Variants in NDUFB10 observed in about 807,000 individuals in gnomAD.
NDUFB10 encodes NADH:ubiquinone oxidoreductase subunit B10, also known as NADH dehydrogenase [ubiquinone] 1 beta subcomplex subunit 10.
A neutral mutation model predicts 19.0 loss-of-function variants in NDUFB10; 23 were observed. The ratio of observed to expected loss-of-function variants is 1.21; its 90% CI spans 0.87 to 1.71. NDUFB10 has a LOEUF of 1.71. Ranked by LOEUF, NDUFB10 falls within the 40% of genes most tolerant of loss-of-function variation. The pLI, the probability that NDUFB10 is intolerant of heterozygous loss-of-function variation, is 0.00. For synonymous variants in NDUFB10, 104 were observed against 81.8 expected (o/e 1.27, Z -1.46); for missense variants, 312 against 230.6 (o/e 1.35, Z -2.29).
chr16:1,960,137 G>A (rs397435), intron 1 of NDUFB10, among the ~76,000 whole-genome samples: 128,584 of 152,028 alleles, frequency 0.85, 54,680 homozygotes, highest in African/African-American at 0.92. Flanking sequence ...TCTCTCTGCC[G>A]GATGACCAAG....
At position 1,961,619 on chromosome 16, in the gene NDUFB10, A is replaced by T; in HGVS notation, c.392A>T (p.Lys131Met). The T allele has an allele frequency of 1.9e-6, 3 of 1,613,270 alleles. No homozygotes were observed. The highest frequency in any genetic ancestry group is 2.5e-6 in the Non-Finnish European group (3 of 1,179,930). The change falls in exon 3 of 4, where the codon AAG (lysine) becomes ATG (methionine). Residue 131 changes from lysine (K) to methionine (M), a missense_variant. Transcript: ENST00000268668. ...KEVEQFTQVA[K>M]AYQDRYQDLG... ...GTGGAGCAGTTCACCCAGGTGGCCAAGGCCTACCAGGACCGCTGTGCGTGC... is the reference window on the plus strand; with the variant it reads ...GTGGAGCAGTTCACCCAGGTGGCCATGGCCTACCAGGACCGCTGTGCGTGC...
rs373787740 is a variant in NDUFB10, at chr16:1,961,805, C to A, written c.418C>A (p.Leu140Met). 42 of 1,554,642 alleles carry A rather than the reference C, an allele frequency of 2.7e-5. No homozygotes were observed. The Admixed American group carries it at 7.4e-4, about 27-fold the overall frequency. The change falls in exon 4 of 4, where the codon CTG (leucine) becomes ATG (methionine). Residue 140 changes from leucine (L) to methionine (M), a missense_variant. Coordinates refer to ENST00000268668, the MANE Select transcript of NDUFB10 (RefSeq NM_004548.3). ...TTCCATTGCTTCCCCAGATCAGGAC[C>A]TGGGGGCCTACAGTTCTGCCAGGAA... ...AKAYQDRYQDLGAYSSARKCL... is the reference protein window; with the variant it reads ...AKAYQDRYQDMGAYSSARKCL...
chr16:1,961,097 G>A lies in NDUFB10; in HGVS notation c.131-56G>A, dbSNP rs181311621. 26 of 1,594,008 alleles carry A rather than the reference G, an allele frequency of 1.6e-5. No individual in the cohort carries two copies. The Admixed American group carries it at 2.1e-4, about 13-fold the overall frequency. ...CAAAGGGCTTATGAGAAATAAGAAA[G>A]CTAAAAGCCTGTCCAAACCGATGAG... On this transcript the variant is annotated intron_variant, in intron 1 of 3. Coordinates refer to ENST00000268668, the MANE Select transcript of NDUFB10 (RefSeq NM_004548.3).
chr16:1,959,678 G>A lies in NDUFB10; in HGVS notation c.54G>A (p.Pro18=). The A allele has an allele frequency of 6.2e-7, 1 of 1,613,256 alleles. No individual in the cohort carries two copies. Among genetic ancestry groups the A allele is most frequent in the South Asian group, 1.1e-5 (1 of 91,076 alleles). The change falls in exon 1 of 4, where the codon CCG becomes CCA. Residue 18 remains proline, a synonymous_variant. Transcript: ENST00000268668. ...ACCCTGAGCCCCCGCGCCGCACGCC[G>A]GTGCAGCCCAATCCCATCGTCTACA... ...DVYPEPPRRT[P]VQPNPIVYMM...
chr16:1,959,801 C>G (rs4430738), intron 1 of NDUFB10, 47 bp downstream of exon 1: 1 of 1,607,678 alleles, frequency 6.2e-7, no homozygotes, highest in Non-Finnish European at 8.5e-7. Flanking sequence ...CTGGGGACCC[C>G]TGGATCCCAC....
chr16:1,960,283 G>C (rs1199984345), intron 1 of NDUFB10, among the ~76,000 whole-genome samples: 6 of 151,398 alleles, frequency 4.0e-5, no homozygotes, highest in African/African-American at 1.5e-4. Flanking sequence ...GCAGTGGCGC[G>C]ATCTCGGCTC....
chr16:1,961,262 T>A lies in NDUFB10; in HGVS notation c.240T>A (p.Tyr80Ter). The change falls in exon 2 of 4, where the codon TAT becomes TAA. Residue 80 changes from tyrosine (Y) to a stop codon, truncating the protein, a stop_gained. Transcript: ENST00000268668. LOFTEE classifies it high-confidence loss of function. ...AGGAGGAGGACATCATGTGCATGTA[T>A]GAAGCCGAAATGCAGTGGAAGAGGG... ...ECKEEDIMCMYEAEMQWKRDY... is the reference protein window; with the variant it reads ...ECKEEDIMCM The A allele has an allele frequency of 6.2e-7, 1 of 1,614,012 alleles. No homozygotes were observed. The highest frequency in any genetic ancestry group is 8.5e-7 in the Non-Finnish European group (1 of 1,180,018).
rs1390968397 is a variant in NDUFB10 at position 1,961,948 on chromosome 16, T to C, written c.*42T>C. On this transcript the variant is annotated 3_prime_UTR_variant, in exon 4 of 4. Coordinates refer to ENST00000268668, the MANE Select transcript of NDUFB10 (RefSeq NM_004548.3). ...CCTGCTGTGTGGCTCTGTATGACTG[T>C]TGCTGAAATATAAAGCCCTGCAACC... 1.3e-6 allele frequency: 2 copies of C among 1,528,906 alleles called. No individual in the cohort carries two copies. The highest frequency in any genetic ancestry group is 2.8e-5 in the African/African-American group (2 of 72,628). The allele number at this position is 1,528,906 out of a possible 1,614,324, so 94.7% of individuals were successfully genotyped here.
intron 1 of NDUFB10, 36 bp downstream of exon 1, chr16:1,959,790 T>G: frequency 6.2e-7 from 1 of 1,610,500 alleles, no homozygotes; most frequent in South Asian, 1.1e-5. Flanking sequence ...CTCGCCGGCC[T>G]CTGGGGACCC....
rs368803523 is a variant in NDUFB10 at position 1,959,689 on chromosome 16, A to G, written c.65A>G (p.Asn22Ser). The G allele has an allele frequency of 1.4e-5, 22 of 1,612,894 alleles. No homozygotes were observed. In the African/African-American group the frequency reaches 2.4e-4, roughly 18 times the overall value. ...EPPRRTPVQP[N>S]PIVYMMKAFD... ...CCGCGCCGCACGCCGGTGCAGCCCA[A>G]TCCCATCGTCTACATGATGAAAGCG... is the stretch of plus-strand genomic sequence containing the variant. The change falls in exon 1 of 4, where the codon AAT becomes AGT. Residue 22 changes from asparagine (N) to serine (S), a missense_variant. Transcript: ENST00000268668.
intron 1 of NDUFB10, among the ~76,000 whole-genome samples, chr16:1,959,996 G>C (rs1414804286): frequency 6.6e-6 from 1 of 151,316 alleles, no homozygotes; most frequent in African/African-American, 2.4e-5. Context: ...GGGATGCCCC[G>C]CTTCTTCCCA....
At chr16:1,960,947 C>G (rs888551000) in intron 1 of NDUFB10, among the ~76,000 whole-genome samples, 1 of 152,206 alleles carries the variant, frequency 6.6e-6, no homozygotes, top group Non-Finnish European at 1.5e-5. Flanking sequence ...GCCTGGTACT[C>G]GGGAGCTCTC....
Position 1,961,578 on chromosome 16 carries a change from G to C in NDUFB10, c.351G>C (p.Gln117His). The change falls in exon 3 of 4, where the codon CAG becomes CAC. Residue 117 changes from glutamine (Q) to histidine (H), a missense_variant. Physicochemically the swap from Gln to His is conservative, Grantham distance 24. Transcript: ENST00000268668. Reference protein sequence around the residue: ...CQQREGQNYQQNCIKEVEQFT... With the variant: ...CQQREGQNYQHNCIKEVEQFT... ...AGAGGGAAGGACAGAACTACCAGCA[G>C]AACTGTATCAAGGAAGTGGAGCAGT... The C allele has an allele frequency of 1.2e-6, 2 of 1,614,096 alleles. No homozygotes were observed. Among genetic ancestry groups the C allele is most frequent in the Non-Finnish European group, 1.7e-6 (2 of 1,180,028 alleles).
Position 1,961,643 on chromosome 16 carries a change from G to GGGGCCCCCCCCCCCCCC in NDUFB10, c.409+7_409+8insGGGCCCCCCCCCCCCCC. 1.9e-6 allele frequency: 3 copies of GGGGCCCCCCCCCCCCCC among 1,547,198 alleles called. No homozygotes were observed. The highest frequency in any genetic ancestry group is 1.8e-5 in the Admixed American group (1 of 54,356). ...AAGGCCTACCAGGACCGCTGTGCGT[G>GGGGCCCCCCCCCCCCCC]CCCCACCCACCCCCAACCCCCCACC... is the stretch of plus-strand genomic sequence containing the variant. On this transcript the variant is annotated splice_region_variant and intron_variant, in intron 3 of 3. Coordinates refer to ENST00000268668, the MANE Select transcript of NDUFB10 (RefSeq NM_004548.3).
In NDUFB10 at chr16:1,961,832, T is replaced by C. The variant is rs1217937582; in HGVS notation, c.445T>C (p.Cys149Arg). 1 of 1,561,834 alleles carries C rather than the reference T, an allele frequency of 6.4e-7. No homozygotes were observed. Among genetic ancestry groups the C allele is most frequent in the African/African-American group, 1.4e-5 (1 of 73,780 alleles). The change falls in exon 4 of 4, where the codon TGC (cysteine) becomes CGC (arginine). Residue 149 changes from cysteine (C) to arginine (R), a missense_variant. Physicochemically the swap from Cys to Arg is radical, Grantham distance 180. Coordinates refer to ENST00000268668, the MANE Select transcript of NDUFB10 (RefSeq NM_004548.3). ...GGGGGCCTACAGTTCTGCCAGGAAG[T>C]GCCTGGCCAAACAGAGGCAGAGGAT... The part of the protein sequence containing the change: ...DLGAYSSARK[C>R]LAKQRQRMLQ...
At chr16:1,960,180 G>C (rs397460) in intron 1 of NDUFB10, among the ~76,000 whole-genome samples, 127,207 of 151,612 alleles carry the variant, frequency 0.84, 53,736 homozygotes, top group African/African-American at 0.93. Flanking sequence ...CCCAAATTCA[G>C]CATCTCTGGA....
At chr16:1,960,995 C>T (rs143883361) in intron 1 of NDUFB10, among the ~76,000 whole-genome samples, 158 bp from the exon 2 acceptor site, 3 of 152,346 alleles carry the variant, frequency 2.0e-5, no homozygotes, top group East Asian at 3.9e-4. Context: ...GCCTGCCTGG[C>T]TGGCCACATC....
In NDUFB10 at chr16:1,961,080, T is replaced by A. The variant is rs1037156350; in HGVS notation, c.131-73T>A. ...TTCTCCTCTCTCCCCTCCAAAGGGCTTATGAGAAATAAGAAAGCTAAAAGC... is the reference window on the plus strand; with the variant it reads ...TTCTCCTCTCTCCCCTCCAAAGGGCATATGAGAAATAAGAAAGCTAAAAGC... On this transcript the variant is annotated intron_variant, in intron 1 of 3. Transcript: ENST00000268668. 23 of 1,560,730 alleles carry A rather than the reference T, an allele frequency of 1.5e-5. No homozygotes were observed. In the South Asian group the frequency reaches 2.6e-4, roughly 17 times the overall value.
intron 1 of NDUFB10, among the ~76,000 whole-genome samples, chr16:1,960,649 C>T (rs761966236): frequency 5.9e-5 from 9 of 152,268 alleles, no homozygotes; most frequent in Non-Finnish European, 1.2e-4. Flanking sequence ...AGCTCCCTCT[C>T]TTTTGTAGCA....
Sources: allele counts gnomAD v4.1 joint callset (sites outside exome capture counted in the v4.1 genomes callset), GRCh38; gene constraint gnomAD v4.1.1; transcripts MANE v1.5; gene names NCBI Gene and HGNC (gene_info 2026-07-23, HGNC 2026-07-21).